ZFHX3: variants seen among roughly 807,000 people sequenced by gnomAD.
ZFHX3 encodes the protein zinc finger homeobox protein 3.
In ZFHX3, 42 loss-of-function variants were observed where a neutral mutation model predicts 279.1. The observed-to-expected ratio is 0.15, with a 90% CI of 0.12 to 0.19. The LOEUF is 0.19. ZFHX3 is among the 10% of genes least tolerant of loss of function. The pLI is 1.00. For synonymous variants in ZFHX3, 2,293 were observed against 1,957.8 expected, an observed-to-expected ratio of 1.17 and a Z score of -4.52; for missense variants, 4,981 against 4,754.0, an observed-to-expected ratio of 1.05 and a Z score of -1.40.
intron 3 of ZFHX3, among the ~76,000 whole-genome samples, chr16:73,424,459 A>T (rs2017773929): frequency 6.6e-6 from 1 of 152,168 alleles, no homozygotes; most frequent in African/African-American, 2.4e-5. Context: ...CAAGCAGAGC[A>T]ACTCAACAAT....
At chr16:73,848,969 A>G (rs551102409) in intron 1 of ZFHX3, among the ~76,000 whole-genome samples, 1 of 152,314 alleles carries the variant, frequency 6.6e-6, no homozygotes, top group East Asian at 1.9e-4. Context: ...TTGAGGCTAA[A>G]CATTTTCTTC....
rs760124763 is a variant in ZFHX3 at position 73,036,650 on chromosome 16, G to A, written c.-50+11102C>T. Among the ~76,000 whole-genome samples the A allele has an allele frequency of 2.0e-5, 3 of 152,104 alleles. No individual in the cohort carries two copies. In the East Asian group the frequency reaches 5.8e-4, roughly 30 times the overall value. ...GAGAGGGGCCGGCAGGAGAGAGGGA[G>A]GAGGGGGACTGGGTGTATCAGGGGA... On this transcript the variant is annotated intron_variant, in intron 1 of 9. Transcript: ENST00000268489.
At chr16:73,302,397 C>CA (rs1414913925) in intron 4 of ZFHX3, among the ~76,000 whole-genome samples, 1 of 152,150 alleles carries the variant, frequency 6.6e-6, no homozygotes, top group Non-Finnish European at 1.5e-5. Context: ...CAAATTGCCC[C>CA]CAGAGCCCAC....
chr16:73,171,178 C>T (rs1283287321), intron 5 of ZFHX3, among the ~76,000 whole-genome samples: 1 of 151,990 alleles, frequency 6.6e-6, no homozygotes, highest in Non-Finnish European at 1.5e-5. Flanking sequence ...CCAAAAAAGC[C>T]CTTTTTAAAA....
At chr16:73,635,274 G>T (rs1373729543) in intron 2 of ZFHX3, among the ~76,000 whole-genome samples, 1 of 152,152 alleles carries the variant, frequency 6.6e-6, no homozygotes, top group African/African-American at 2.4e-5. Flanking sequence ...GGCACACGTT[G>T]TATTCTATCA....
intron 1 of ZFHX3, among the ~76,000 whole-genome samples, chr16:73,784,386 G>A (rs1456577064): frequency 6.6e-6 from 1 of 151,196 alleles, no homozygotes; most frequent in Admixed American, 6.6e-5. Flanking sequence ...GATGATCATG[G>A]GTCTCTTCCT....
intron 2 of ZFHX3, among the ~76,000 whole-genome samples, chr16:73,672,597 AT>A (rs1279288894): frequency 2.0e-5 from 3 of 152,210 alleles, no homozygotes; most frequent in East Asian, 1.9e-4. Flanking sequence ...ATCATAAAAA[AT>A]GATCATAAAA....
intron 4 of ZFHX3, among the ~76,000 whole-genome samples, chr16:72,869,254 T>C (rs2038094833): frequency 6.6e-6 from 1 of 152,230 alleles, no homozygotes; most frequent in Non-Finnish European, 1.5e-5. Context: ...GAGCCTTCAC[T>C]TTCCCTTCTG....
intron 5 of ZFHX3, among the ~76,000 whole-genome samples, chr16:73,174,267 A>AACG (rs1244583753): frequency 3.3e-4 from 1 of 3,076 alleles, no homozygotes; most frequent in East Asian, 1.5e-3. Context: ...GTTCACACAA[A>AACG]ACAACAACAA....
At chr16:73,490,357 A>C (rs1360229210) in intron 2 of ZFHX3, among the ~76,000 whole-genome samples, 2 of 152,230 alleles carry the variant, frequency 1.3e-5, no homozygotes, top group Non-Finnish European at 2.9e-5. Flanking sequence ...ATTCCCATTG[A>C]AAACGTTTTA....
At chr16:73,784,796 A>AAAAAAATAT (rs56734827) in intron 1 of ZFHX3, among the ~76,000 whole-genome samples, 2 of 131,082 alleles carry the variant, frequency 1.5e-5, no homozygotes, top group Non-Finnish European at 1.6e-5. Flanking sequence ...TAAAAAAAAA[A>AAAAAAATAT]ATATATATAT....
Position 73,775,756 on chromosome 16 carries a change from G to C in ZFHX3, c.-1607-95516C>G, listed in dbSNP as rs964367154. Among the ~76,000 whole-genome samples the C allele has an allele frequency of 2.6e-5, 4 of 152,118 alleles. No individual in the cohort carries two copies. In the South Asian group the frequency reaches 8.3e-4, roughly 32 times the overall value. On this transcript the variant is annotated intron_variant, in intron 1 of 17. Coordinates refer to the ZFHX3 transcript ENST00000641206. ...AAAAGGCTGCTCCATTTTTTAATAAGGCAGGTGTAGGGGCTTTCTGGAGGC... is the reference window on the plus strand; with the variant it reads ...AAAAGGCTGCTCCATTTTTTAATAACGCAGGTGTAGGGGCTTTCTGGAGGC...
chr16:72,997,045 T>C (rs957327412), intron 1 of ZFHX3, among the ~76,000 whole-genome samples: 30 of 152,056 alleles, frequency 2.0e-4, no homozygotes, highest in Admixed American at 5.2e-4. Context: ...AAGAGAACCG[T>C]TGGGCCCGGC....
At chr16:73,072,216 A>G (rs1965833485) in intron 8 of ZFHX3, among the ~76,000 whole-genome samples, 1 of 152,082 alleles carries the variant, frequency 6.6e-6, no homozygotes, top group Admixed American at 6.6e-5. Flanking sequence ...TTTGGGAGGA[A>G]GGTGGATCAC....
chr16:72,848,366 T>C (rs1233865279), intron 4 of ZFHX3, among the ~76,000 whole-genome samples: 3 of 152,200 alleles, frequency 2.0e-5, no homozygotes, highest in Non-Finnish European at 4.4e-5. Flanking sequence ...AAGTTGTTTA[T>C]GATCAATATG....
chr16:73,604,947 C>CTT, intron 2 of ZFHX3, among the ~76,000 whole-genome samples: 1 of 152,070 alleles, frequency 6.6e-6, no homozygotes, highest in South Asian at 2.1e-4. Context: ...GTTTTCTGTT[C>CTT]TTTTAAAATT....
intron 8 of ZFHX3, among the ~76,000 whole-genome samples, chr16:73,082,392 C>T (rs764063137): frequency 2.6e-5 from 4 of 152,010 alleles, no homozygotes; most frequent in South Asian, 2.1e-4. Context: ...CTCAGCCTCC[C>T]GAATAGCTGG....
At chr16:73,687,374 C>A (rs563839603) in intron 1 of ZFHX3, among the ~76,000 whole-genome samples, 4 of 150,700 alleles carry the variant, frequency 2.7e-5, no homozygotes, top group South Asian at 2.1e-4. Flanking sequence ...CAGAGAGAGA[C>A]CCTGTCTCAA....
At position 73,157,465 on chromosome 16, in the gene ZFHX3, T is replaced by TTAAAAAAAAA. The variant is rs1346539597; in HGVS notation, c.-1103-13635_-1103-13634insTTTTTTTTTA. 1.8e-3 allele frequency among the ~76,000 whole-genome samples: 135 copies of TTAAAAAAAAA among 76,458 alleles called. 2 individuals carry two copies. The highest frequency in any genetic ancestry group is 0.012 in the East Asian group (34 of 2,894). The allele number at this position is 76,458 out of a possible 152,430, so 50.2% of individuals were successfully genotyped here. A position where few individuals can be genotyped will look rare whatever the true frequency, so the allele number is the denominator to read the frequency against. On this transcript the variant is annotated intron_variant, in intron 5 of 17. Transcript: ENST00000641206. ...TCCTGGGTGATTTAGGAATGTTTGG[T>TTAAAAAAAAA]AAAAAAAAAAAAAAAAAAGGCCAGT...
Sources: allele counts gnomAD v4.1 joint callset (sites outside exome capture counted in the v4.1 genomes callset), GRCh38; gene constraint gnomAD v4.1.1; transcripts MANE v1.5; gene names NCBI Gene and HGNC (gene_info 2026-07-23, HGNC 2026-07-21).